Variants in KCNQ1 observed in about 807,000 individuals in gnomAD.
KCNQ1 encodes the protein potassium voltage-gated channel subfamily KQT member 1.
A neutral mutation model predicts 72.4 loss-of-function variants in KCNQ1; 49 were observed. The ratio of observed to expected loss-of-function variants is 0.68; its 90% CI spans 0.54 to 0.86. The LOEUF is 0.86. Among genes scored for constraint, KCNQ1 ranks in the 40% least tolerant of loss-of-function variants. KCNQ1 has a pLI of 0.00. For synonymous variants in KCNQ1, 450 were observed against 412.6 expected (o/e 1.09, Z -1.10); for missense variants, 790 against 945.1 (o/e 0.84, Z 2.15).
At position 2,445,025 on chromosome 11, in the gene KCNQ1, C is replaced by G. The variant is rs1027279374; in HGVS notation, c.-74C>G. ...CTGGCAGCAGTGGCTGCCCGCACTG[C>G]GCCCGGGCGCTCGCCTTCGCTGCAG... is the stretch of plus-strand genomic sequence containing the variant. On this transcript the variant is annotated 5_prime_UTR_variant, in exon 1 of 16. Coordinates refer to ENST00000155840, the MANE Select transcript of KCNQ1 (RefSeq NM_000218.3). The G allele has an allele frequency of 5.0e-6, 5 of 993,330 alleles. No individual in the cohort carries two copies. In the South Asian group the frequency reaches 2.3e-4, roughly 46 times the overall value. The allele number at this position is 993,330 out of a possible 1,614,324, so 61.5% of individuals were successfully genotyped here. A position where few individuals can be genotyped will look rare whatever the true frequency, so the allele number is the denominator to read the frequency against.
chr11:2,570,484 G>A lies in KCNQ1; in HGVS notation c.478-144G>A, dbSNP rs935186014. ...CCTCTGTGCGCAGGCATCACCATCC[G>A]CAGCAGGCCAGGACCCGGGCCTGCT... On this transcript the variant is annotated intron_variant, in intron 2 of 15. Coordinates refer to ENST00000155840, the MANE Select transcript of KCNQ1 (RefSeq NM_000218.3). 28 of 1,064,980 alleles carry A rather than the reference G, an allele frequency of 2.6e-5. No individual in the cohort carries two copies. In the African/African-American group the frequency reaches 2.7e-4, roughly 10 times the overall value. 66.0% of individuals were successfully genotyped at this position (1,064,980 alleles called of 1,614,324 possible).
chr11:2,534,458 G>A (rs1041155512), intron 2 of KCNQ1, among the ~76,000 whole-genome samples: 1 of 152,208 alleles, frequency 6.6e-6, no homozygotes, highest in African/African-American at 2.4e-5. Flanking sequence ...CACCCACCCC[G>A]AGGTCTGACT....
At chr11:2,448,258 A>G (rs1457361660) in intron 1 of KCNQ1, among the ~76,000 whole-genome samples, 2 of 152,208 alleles carry the variant, frequency 1.3e-5, no homozygotes, top group African/African-American at 4.8e-5. Flanking sequence ...CCTGCAGTGC[A>G]TGGAGACTGC....
rs897077611 is a variant in KCNQ1 at position 2,565,122 on chromosome 11, G to GT, written c.478-5498dup. Among the ~76,000 whole-genome samples, 7 of 152,004 alleles carry GT rather than the reference G, an allele frequency of 4.6e-5. No homozygotes were observed. The highest frequency in any genetic ancestry group is 7.2e-5 in the African/African-American group (3 of 41,458). On this transcript the variant is annotated intron_variant, in intron 2 of 15. Transcript: ENST00000155840. This position sits in a 1 kb window ranked among gnomAD's most constrained non-coding sequence, Gnocchi z 5.6. ...AATTGCTGGGTCATACAGTAATTCT[G>GT]TTTTTTTTCTGGCATGTTATTTAAA...
In KCNQ1 at chr11:2,491,587, A is replaced by C. The variant is rs1295407191; in HGVS notation, c.387-36341A>C. Among the ~76,000 whole-genome samples, 1 of 152,208 alleles carries C rather than the reference A, an allele frequency of 6.6e-6. No individual in the cohort carries two copies. The highest frequency in any genetic ancestry group is 1.9e-4 in the East Asian group (1 of 5,196). The stretch of plus-strand genomic sequence containing the variant: ...GAAGCATGATCTAGAAAATAGCCTC[A>C]AAAGGGCAAATCTAAGATTTATTGA... On this transcript the variant is annotated intron_variant, in intron 1 of 15. Transcript: ENST00000155840. The surrounding 1 kb of genome is among the most constrained non-coding windows in gnomAD (Gnocchi z 4.1).
At chr11:2,665,845 G>T in intron 11 of KCNQ1, 1 of 398,694 alleles carries the variant, frequency 2.5e-6, no homozygotes, top group South Asian at 1.3e-4. Context: ...ACAGGGCTAG[G>T]GGCCTGAGGA....
At chr11:2,618,177 A>G (rs1849100782) in intron 10 of KCNQ1, 1 of 398,344 alleles carries the variant, frequency 2.5e-6, no homozygotes, top group Non-Finnish European at 4.4e-6. Context: ...TCTTTTATCC[A>G]TTTTGAGTTT....
rs74357883 is a variant in KCNQ1, at chr11:2,846,654, G to C, written c.1795-1113G>C. 9.8e-3 allele frequency among the ~76,000 whole-genome samples: 1,486 copies of C among 152,346 alleles called. 12 individuals are homozygous for C. The highest frequency in any genetic ancestry group is 0.027 in the Middle Eastern group (8 of 294). On this transcript the variant is annotated intron_variant, in intron 15 of 15. Coordinates refer to ENST00000155840, the MANE Select transcript of KCNQ1 (RefSeq NM_000218.3). ...CCAGCACCTGCTCTGAGGGTGCCAG[G>C]GTGCCGGCCTGCCGGCCAGGGCCTT... is the stretch of plus-strand genomic sequence containing the variant.
rs1297771176 is a variant in KCNQ1, at chr11:2,695,405, A to G, written c.1514+33324A>G. 6 of 398,432 alleles carry G rather than the reference A, an allele frequency of 1.5e-5. No homozygotes were observed. In the East Asian group the frequency reaches 2.1e-4, roughly 14 times the overall value. The allele number at this position is 398,432 out of a possible 1,614,324, so 24.7% of individuals were successfully genotyped here. On this transcript the variant is annotated intron_variant, in intron 11 of 15. Transcript: ENST00000155840. The surrounding 1 kb of genome is among the most constrained non-coding windows in gnomAD (Gnocchi z 5.2). ...TGGTGTGTAATTTTAATTTAAATAC[A>G]CAGTCATGTACTGAGGCCCTCTTTC... is the stretch of plus-strand genomic sequence containing the variant.
intron 1 of KCNQ1, among the ~76,000 whole-genome samples, chr11:2,472,417 GGT>G (rs752789512): frequency 5.3e-5 from 8 of 151,824 alleles, no homozygotes; most frequent in Non-Finnish European, 1.0e-4. Flanking sequence ...TGCACCTATG[GGT>G]GTGTGTGTGT....
At chr11:2,518,123 C>G (rs1298310961) in intron 1 of KCNQ1, among the ~76,000 whole-genome samples, 1 of 152,278 alleles carries the variant, frequency 6.6e-6, no homozygotes, top group Non-Finnish European at 1.5e-5. Context: ...GCATCCCACG[C>G]CTGGCACTGG....
intron 10 of KCNQ1, chr11:2,625,578 CTTTTT>C (rs35148119): frequency 1.2e-5 from 4 of 347,364 alleles, no homozygotes; most frequent in Admixed American, 5.5e-5. Context: ...GTCCTTTGCC[CTTTTT>C]TTTTTTTTTT....
At chr11:2,655,673 C>CCCCA in intron 10 of KCNQ1, 2 of 136,492 alleles carry the variant, frequency 1.5e-5, no homozygotes. Flanking sequence ...AGAGCTGAAT[C>CCCCA]CCCACCCACC....
intron 15 of KCNQ1, among the ~76,000 whole-genome samples, chr11:2,805,013 G>A (rs1435893071): frequency 2.2e-4 from 34 of 152,182 alleles, no homozygotes; most frequent in Non-Finnish European, 2.9e-5. Flanking sequence ...TGAGGCCCCC[G>A]GGGTAAAAAT....
At chr11:2,701,702 G>A (rs1850818541) in intron 11 of KCNQ1, among the ~76,000 whole-genome samples, 1 of 152,216 alleles carries the variant, frequency 6.6e-6, no homozygotes. Flanking sequence ...CAGATTATCA[G>A]CTGCCTGTCT....
intron 11 of KCNQ1, among the ~76,000 whole-genome samples, chr11:2,719,510 A>G (rs956372617): frequency 4.6e-5 from 7 of 152,086 alleles, no homozygotes; most frequent in Non-Finnish European, 1.0e-4. Flanking sequence ...CAAAAAAAAA[A>G]ACCATTATCA....
rs1850224575 is a variant in KCNQ1 at position 2,673,453 on chromosome 11, T to G, written c.1514+11372T>G. 1 of 398,576 alleles carries G rather than the reference T, an allele frequency of 2.5e-6. No homozygotes were observed. Among genetic ancestry groups the G allele is most frequent in the South Asian group, 1.3e-4 (1 of 7,868 alleles). 24.7% of individuals were successfully genotyped at this position (398,576 alleles called of 1,614,324 possible). On this transcript the variant is annotated intron_variant, in intron 11 of 15. Coordinates refer to ENST00000155840, the MANE Select transcript of KCNQ1 (RefSeq NM_000218.3). This position sits in a 1 kb window ranked among gnomAD's most constrained non-coding sequence, Gnocchi z 4.5. ...GTTCCAACTTGGTGTTGGGCCTCCT[T>G]GAGCCGGAACACCTGAAAAGCCATA...
intron 10 of KCNQ1, chr11:2,629,213 T>A (rs376087860): frequency 2.0e-5 from 8 of 398,286 alleles, no homozygotes; most frequent in Non-Finnish European, 3.1e-5. Flanking sequence ...ATTTATTCTA[T>A]TGATCTATGA....
In KCNQ1 at chr11:2,676,587, C is replaced by T. The variant is rs1850298782; in HGVS notation, c.1514+14506C>T. 2.5e-6 allele frequency: 1 copy of T among 398,678 alleles called. No individual in the cohort carries two copies. The highest frequency in any genetic ancestry group is 4.4e-6 in the Non-Finnish European group (1 of 226,088). The allele number at this position is 398,678 out of a possible 1,614,324, so 24.7% of individuals were successfully genotyped here. Reference sequence around the variant, plus strand: ...AAGGACCATCATACTGGGTATTCAACAGCCAGCTCTCCAAAGAGGCCTCTA... The same window carrying T: ...AAGGACCATCATACTGGGTATTCAATAGCCAGCTCTCCAAAGAGGCCTCTA... On this transcript the variant is annotated intron_variant, in intron 11 of 15. Coordinates refer to ENST00000155840, the MANE Select transcript of KCNQ1 (RefSeq NM_000218.3). The surrounding 1 kb of genome is among the most constrained non-coding windows in gnomAD (Gnocchi z 4.2).
Sources: allele counts gnomAD v4.1 joint callset (sites outside exome capture counted in the v4.1 genomes callset), GRCh38; gene constraint gnomAD v4.1.1; non-coding constraint Gnocchi (gnomAD v3.1); transcripts MANE v1.5; gene names NCBI Gene and HGNC (gene_info 2026-07-23, HGNC 2026-07-21).